FOXP1: variants seen among roughly 807,000 people sequenced by gnomAD.
The protein encoded by FOXP1 is forkhead box P1, also known as forkhead box protein P1.
FOXP1 carries 15 observed loss-of-function variants against 98.2 expected under a neutral mutation model. The ratio of observed to expected loss-of-function variants is 0.15; its 90% CI spans 0.10 to 0.24. FOXP1 has a LOEUF of 0.24. Ranked by LOEUF, FOXP1 falls within the 10% of genes least tolerant of loss-of-function variation. The pLI is 1.00. For missense variants in FOXP1, 633 were observed against 848.5 expected, an observed-to-expected ratio of 0.75 and a Z score of 3.15; for synonymous variants, 371 against 314.5, an observed-to-expected ratio of 1.18 and a Z score of -1.90.
At chr3:71,376,058 A>G (rs188249329) in intron 3 of FOXP1, among the ~76,000 whole-genome samples, 2 of 152,306 alleles carry the variant, frequency 1.3e-5, no homozygotes, top group African/African-American at 4.8e-5. Context: ...AGGAAGGTCA[A>G]TACTGTTTTT....
At chr3:71,006,892 T>C (rs2042877354) in intron 12 of FOXP1, among the ~76,000 whole-genome samples, 1 of 152,172 alleles carries the variant, frequency 6.6e-6, no homozygotes, top group Non-Finnish European at 1.5e-5. Context: ...ATCTGTTTGT[T>C]GAAAAAAAAT....
chr3:71,328,200 C>A (rs1204758258), intron 4 of FOXP1, among the ~76,000 whole-genome samples: 1 of 152,146 alleles, frequency 6.6e-6, no homozygotes, highest in East Asian at 1.9e-4. Flanking sequence ...GAGGCTGAGG[C>A]GGGCAGATGG....
Position 70,979,971 on chromosome 3 carries a change from C to T in FOXP1, c.1147-1942G>A, listed in dbSNP as rs550921000. Among the ~76,000 whole-genome samples, 155 of 151,994 alleles carry T rather than the reference C, an allele frequency of 1.0e-3. 1 individual carries two copies. Among genetic ancestry groups the T allele is most frequent in the Non-Finnish European group, 2.1e-3 (142 of 67,992 alleles). On this transcript the variant is annotated intron_variant, in intron 14 of 20. Transcript: ENST00000649528. ...GTTGTGCTTTCCTTTTTATTTTCAG[C>T]GTAGAATGTTGTCTCGGTGAGCAAG... is the stretch of plus-strand genomic sequence containing the variant.
Position 71,461,787 on chromosome 3 carries a change from G to A in FOXP1, c.-168+31639C>T, listed in dbSNP as rs1353265023. Among the ~76,000 whole-genome samples the A allele has an allele frequency of 1.1e-4, 17 of 151,844 alleles. 1 individual carries two copies. In the South Asian group the frequency reaches 3.1e-3, roughly 28 times the overall value. On this transcript the variant is annotated intron_variant, in intron 3 of 20. Transcript: ENST00000649528. ...TGCACTCCAGCCTGGGAAAAAGAGC[G>A]AGACTCTGTATCGAAGAAAAAAAAA... is the stretch of plus-strand genomic sequence containing the variant.
chr3:71,385,072 T>A (rs1372642542), intron 3 of FOXP1, among the ~76,000 whole-genome samples: 1 of 151,400 alleles, frequency 6.6e-6, no homozygotes, highest in Non-Finnish European at 1.5e-5. Flanking sequence ...CTGTTAACCT[T>A]CTTAGTAATT....
At chr3:71,503,682 T>C (rs571097974) in intron 2 of FOXP1, among the ~76,000 whole-genome samples, 1 of 151,780 alleles carries the variant, frequency 6.6e-6, no homozygotes, top group South Asian at 2.1e-4. Flanking sequence ...CTCGATGTTA[T>C]TATTTCGTCA....
intron 13 of FOXP1, 70 bp from the exon 14 acceptor site, chr3:70,988,147 C>G (rs2040053222): frequency 7.5e-7 from 1 of 1,324,506 alleles, no homozygotes; most frequent in Non-Finnish European, 1.1e-6. Context: ...AAAAATGATA[C>G]ATATTACAAA....
chr3:71,263,346 G>C (rs1363744107), intron 5 of FOXP1, among the ~76,000 whole-genome samples: 3 of 152,190 alleles, frequency 2.0e-5, no homozygotes, highest in Non-Finnish European at 4.4e-5. Flanking sequence ...ACCAGTGGCT[G>C]CTGAAAGAAT....
rs543452738 is a variant in FOXP1, at chr3:71,133,793, C to G, written c.181-21156G>C. Reference sequence around the variant, plus strand: ...TGAGTACACGTTACATTGCACCTGACATTTTATACCCGAAAGTCTACCCCG... The same window carrying G: ...TGAGTACACGTTACATTGCACCTGAGATTTTATACCCGAAAGTCTACCCCG... On this transcript the variant is annotated intron_variant, in intron 6 of 20. Transcript: ENST00000649528. Among the ~76,000 whole-genome samples the G allele has an allele frequency of 5.3e-5, 8 of 151,394 alleles. No homozygotes were observed. In the South Asian group the frequency reaches 1.7e-3, roughly 32 times the overall value.
At chr3:71,008,339 TTG>T (rs2043067182) in intron 12 of FOXP1, among the ~76,000 whole-genome samples, 1 of 152,218 alleles carries the variant, frequency 6.6e-6, no homozygotes, top group South Asian at 2.1e-4. Context: ...CTAGTGAAGA[TTG>T]TGTCTTTCAC....
At chr3:71,561,220 C>T (rs1302765441) in intron 2 of FOXP1, among the ~76,000 whole-genome samples, 3 of 151,930 alleles carry the variant, frequency 2.0e-5, no homozygotes, top group Non-Finnish European at 4.4e-5. Flanking sequence ...CCACGCCCGG[C>T]TCATTTTGTA....
chr3:71,533,741 G>A (rs1248161985), intron 2 of FOXP1, among the ~76,000 whole-genome samples: 3 of 152,154 alleles, frequency 2.0e-5, no homozygotes, highest in Non-Finnish European at 4.4e-5. Flanking sequence ...ACAAATTTTA[G>A]TCTCCATCTT....
chr3:71,365,625 C>T (rs2078868293), intron 3 of FOXP1, among the ~76,000 whole-genome samples: 1 of 152,120 alleles, frequency 6.6e-6, no homozygotes, highest in African/African-American at 2.4e-5. Context: ...AAATGACATC[C>T]ACTAAAAGTT....
intron 3 of FOXP1, among the ~76,000 whole-genome samples, chr3:71,413,489 G>GA (rs2082961308): frequency 6.6e-6 from 1 of 151,800 alleles, no homozygotes; most frequent in African/African-American, 2.4e-5. Flanking sequence ...CTGTCTTTTT[G>GA]TCCGTCACTA....
intron 3 of FOXP1, among the ~76,000 whole-genome samples, chr3:71,366,288 G>A (rs2078925705): frequency 6.6e-6 from 1 of 152,072 alleles, no homozygotes; most frequent in Non-Finnish European, 1.5e-5. Flanking sequence ...TTATGAATCT[G>A]TCTTATCTTA....
chr3:71,071,096 TAC>T (rs2053174008), intron 7 of FOXP1, among the ~76,000 whole-genome samples: 1 of 152,142 alleles, frequency 6.6e-6, no homozygotes, highest in Non-Finnish European at 1.5e-5. Context: ...AGTCACCAAT[TAC>T]ACAGACACTC....
At chr3:71,560,686 A>C (rs959596922) in intron 2 of FOXP1, among the ~76,000 whole-genome samples, 1 of 152,248 alleles carries the variant, frequency 6.6e-6, no homozygotes, top group African/African-American at 2.4e-5. Context: ...GGATAAACAA[A>C]ATGTGGTATA....
intron 3 of FOXP1, among the ~76,000 whole-genome samples, chr3:71,470,454 T>G (rs905827345): frequency 1.3e-5 from 2 of 152,166 alleles, no homozygotes; most frequent in East Asian, 1.9e-4. Context: ...AAAAACAACG[T>G]TTGAGGCCGG....
At chr3:71,326,604 T>C (rs549366313) in intron 4 of FOXP1, among the ~76,000 whole-genome samples, 1 of 152,336 alleles carries the variant, frequency 6.6e-6, no homozygotes, top group African/African-American at 2.4e-5. Flanking sequence ...CTAGGTACTT[T>C]GGCACAGGAT....
Sources: allele counts gnomAD v4.1 joint callset (sites outside exome capture counted in the v4.1 genomes callset), GRCh38; gene constraint gnomAD v4.1.1; transcripts MANE v1.5; gene names NCBI Gene and HGNC (gene_info 2026-07-23, HGNC 2026-07-21).